Variants in PITX1 observed in about 807,000 individuals in gnomAD.
PITX1 encodes paired like homeodomain 1.
In PITX1, 5 loss-of-function variants were observed where a neutral mutation model predicts 24.1. That is an observed-to-expected ratio of 0.21 (90% CI 0.11 to 0.44). The LOEUF is 0.44. Among genes scored for constraint, PITX1 ranks in the 20% least tolerant of loss-of-function variants. PITX1 has a pLI of 0.99. For synonymous variants in PITX1, 213 were observed against 208.9 expected (o/e 1.02, Z -0.17); for missense variants, 401 against 455.4 (o/e 0.88, Z 1.09).
In PITX1 at chr5:135,033,229, C is replaced by A; in HGVS notation, c.169+484G>T. The A allele has an allele frequency of 6.5e-6, 2 of 306,212 alleles. No homozygotes were observed. The highest frequency in any genetic ancestry group is 5.0e-5 in the South Asian group (2 of 40,004). 19.0% of individuals were successfully genotyped at this position (306,212 alleles called of 1,614,324 possible). Reference sequence around the variant, plus strand: ...CTCCCTTCTACTTGATGACCCCTCTCCCCCCGTTTACCCTTCCCGCCCGCC... The same window carrying A: ...CTCCCTTCTACTTGATGACCCCTCTACCCCCGTTTACCCTTCCCGCCCGCC... On this transcript the variant is annotated intron_variant, in intron 1 of 2. Transcript: ENST00000265340. The surrounding 1 kb of genome is among the most constrained non-coding windows in gnomAD (Gnocchi z 5.9).
intron 1 of PITX1, chr5:135,032,715 AAAT>A: frequency 9.1e-6 from 2 of 218,736 alleles, no homozygotes; most frequent in South Asian, 1.1e-4. Flanking sequence ...TAGGTTTTAA[AAAT>A]AAAACCAACC....
intron 1 of PITX1, 37 bp from the exon 2 acceptor site, chr5:135,031,545 T>C: frequency 6.5e-7 from 1 of 1,527,478 alleles, no homozygotes; most frequent in Non-Finnish European, 8.9e-7. Flanking sequence ...TCACCTGGGC[T>C]TACGCCCCGT....
chr5:135,029,635 C>T (rs948120157), intron 2 of PITX1, among the ~76,000 whole-genome samples: 5 of 152,230 alleles, frequency 3.3e-5, no homozygotes, highest in African/African-American at 1.2e-4. Context: ...CCTTCTCCCC[C>T]AAACAGGTTC....
Position 135,029,012 on chromosome 5 carries a change from G to T in PITX1, c.712C>A (p.Pro238Thr). ...SMGPGAVPGMPNSGLNNINNL... is the reference protein window; with the variant it reads ...SMGPGAVPGMTNSGLNNINNL... ...TTGATGTTGTTGAGGCCCGAGTTGG[G>T]CATGCCAGGCACGGCGCCTGGGCCC... is the stretch of plus-strand genomic sequence containing the variant. The change falls in exon 3 of 3, where the codon CCC becomes ACC. Residue 238 changes from proline (P) to threonine (T), a missense_variant. Around this residue, in one of 3 missense-constraint regions of PITX1, gnomAD observed 217 missense variants for 219.8 expected, o/e 0.99. Coordinates refer to ENST00000265340, the MANE Select transcript of PITX1 (RefSeq NM_002653.5). The T allele has an allele frequency of 1.9e-6, 3 of 1,614,236 alleles. No individual in the cohort carries two copies. The highest frequency in any genetic ancestry group is 2.5e-6 in the Non-Finnish European group (3 of 1,180,034).
intron 2 of PITX1, among the ~76,000 whole-genome samples, chr5:135,030,669 A>AC (rs530999163): frequency 6.2e-4 from 94 of 152,132 alleles, no homozygotes; most frequent in Middle Eastern, 3.4e-3. Context: ...TCCCGGAGCC[A>AC]CCCCCCACCT....
Position 135,028,683 on chromosome 5 carries a change from T to C in PITX1, c.*96A>G, listed in dbSNP as rs1234401130. The C allele has an allele frequency of 4.8e-6, 4 of 837,350 alleles. No individual in the cohort carries two copies. The African/African-American group carries it at 5.5e-5, about 12-fold the overall frequency. 51.9% of individuals were successfully genotyped at this position (837,350 alleles called of 1,614,324 possible). ...GTGTGAGGTCCGCGGCGCGGTGAGC[T>C]GGGGCTTGCGAGCCGGGGCCCCGCG... On this transcript the variant is annotated 3_prime_UTR_variant, in exon 3 of 3. Coordinates refer to ENST00000265340, the MANE Select transcript of PITX1 (RefSeq NM_002653.5).
Position 135,033,646 on chromosome 5 carries a change from G to A in PITX1, c.169+67C>T, listed in dbSNP as rs1202972751. Reference sequence around the variant, plus strand: ...TTGCGCGGCGCGGGCGTCAGGCCCTGCTCCCAGCTCCCCGTGCTCCGCGCC... The same window carrying A: ...TTGCGCGGCGCGGGCGTCAGGCCCTACTCCCAGCTCCCCGTGCTCCGCGCC... On this transcript the variant is annotated intron_variant, in intron 1 of 2. Coordinates refer to ENST00000265340, the MANE Select transcript of PITX1 (RefSeq NM_002653.5). This position sits in a 1 kb window ranked among gnomAD's most constrained non-coding sequence, Gnocchi z 5.9. 1.9e-5 allele frequency: 29 copies of A among 1,512,356 alleles called. No homozygotes were observed. The highest frequency in any genetic ancestry group is 2.3e-5 in the Non-Finnish European group (26 of 1,113,680). The allele number at this position is 1,512,356 out of a possible 1,614,324, so 93.7% of individuals were successfully genotyped here.
chr5:135,031,479 G>T lies in PITX1; in HGVS notation c.199C>A (p.Pro67Thr). The T allele has an allele frequency of 6.2e-7, 1 of 1,612,974 alleles. No homozygotes were observed. The highest frequency in any genetic ancestry group is 8.5e-7 in the Non-Finnish European group (1 of 1,179,820). ...GTGCCTCCCGCACCACTGTCCTCGG[G>T]CCCCTTGGGTTCCCCGCCGCGCTCC... Reference protein sequence around the residue: ...EKERGGEPKGPEDSGAGGTGC... With the variant: ...EKERGGEPKGTEDSGAGGTGC... Residue 67 changes from proline (P) to threonine (T), a missense_variant, in exon 2 of 3, where the codon CCC becomes ACC. Physicochemically the swap from Pro to Thr is conservative, Grantham distance 38. Transcript: ENST00000265340.
Position 135,027,893 on chromosome 5 carries a change from C to G in PITX1, c.*886G>C, listed in dbSNP as rs1752373830. On this transcript the variant is annotated 3_prime_UTR_variant, in exon 3 of 3. Transcript: ENST00000265340. ...TGGGCGCAGGGCCCTGGGGCCGCGC[C>G]CCTTGCTCTGCCGGCTCGACTCTTG... 6.6e-6 allele frequency: 1 copy of G among 152,554 alleles called. No individual in the cohort carries two copies. The highest frequency in any genetic ancestry group is 2.1e-4 in the South Asian group (1 of 4,826). 9.5% of individuals were successfully genotyped at this position (152,554 alleles called of 1,614,324 possible).
Position 135,028,094 on chromosome 5 carries a change from T to G in PITX1, c.*685A>C, listed in dbSNP as rs1752378915. 2.0e-5 allele frequency: 3 copies of G among 151,960 alleles called. No individual in the cohort carries two copies. The highest frequency in any genetic ancestry group is 2.0e-4 in the Admixed American group (3 of 15,278). 9.4% of individuals were successfully genotyped at this position (151,960 alleles called of 1,614,324 possible). A position where few individuals can be genotyped will look rare whatever the true frequency, so the allele number is the denominator to read the frequency against. ...CCGCTGTCGCTCCGTGGCCTTAATA[T>G]AGGGCTCCGGGGCGCGGGGCCAGCG... is the stretch of plus-strand genomic sequence containing the variant. On this transcript the variant is annotated 3_prime_UTR_variant, in exon 3 of 3. Transcript: ENST00000265340.
chr5:135,032,175 C>T (rs1340034741), intron 1 of PITX1, among the ~76,000 whole-genome samples: 1 of 152,182 alleles, frequency 6.6e-6, no homozygotes, highest in East Asian at 1.9e-4. Context: ...AACACAGAAG[C>T]CCAGAAAAGC....
In PITX1 at chr5:135,033,455, T is replaced by C; in HGVS notation, c.169+258A>G. The C allele has an allele frequency of 1.9e-6, 1 of 539,314 alleles. No individual in the cohort carries two copies. The highest frequency in any genetic ancestry group is 2.1e-5 in the South Asian group (1 of 46,758). 33.4% of individuals were successfully genotyped at this position (539,314 alleles called of 1,614,324 possible). A position where few individuals can be genotyped will look rare whatever the true frequency, so the allele number is the denominator to read the frequency against. On this transcript the variant is annotated intron_variant, in intron 1 of 2. Transcript: ENST00000265340. This position sits in a 1 kb window ranked among gnomAD's most constrained non-coding sequence, Gnocchi z 5.9. ...CTATTTACTCCTGATCAAGAGGGGC[T>C]GTCAGTCCAACCCTCCAGCTGTAGG...
Position 135,033,829 on chromosome 5 carries a change from C to T in PITX1, c.53G>A (p.Arg18Gln). The change falls in exon 1 of 3, where the codon CGG (arginine) becomes CAG (glutamine). Residue 18 changes from arginine (R) to glutamine (Q), a missense_variant. Transcript: ENST00000265340. The surrounding 1 kb of genome is among the most constrained non-coding windows in gnomAD (Gnocchi z 5.9). ...GTCATGGGGTGGCGGCGGCGGCGGC[C>T]GGAGCCCCTCCGGCAGCCGCTCCAG... Reference protein sequence around the residue: ...MSLERLPEGLRPPPPPPHDMG... With the variant: ...MSLERLPEGLQPPPPPPHDMG... 1.3e-6 allele frequency: 2 copies of T among 1,527,426 alleles called. No individual in the cohort carries two copies. Among genetic ancestry groups the T allele is most frequent in the African/African-American group, 1.4e-5 (1 of 69,692 alleles). The allele number at this position is 1,527,426 out of a possible 1,614,324, so 94.6% of individuals were successfully genotyped here.
intron 2 of PITX1, 38 bp from the exon 3 acceptor site, chr5:135,029,359 G>A (rs763590535): frequency 1.3e-6 from 2 of 1,513,356 alleles, no homozygotes; most frequent in Middle Eastern, 2.0e-4. Flanking sequence ...GGGCCGCTGC[G>A]GGCCGGGAGG....
rs1580928564 is a variant in PITX1 at position 135,033,113 on chromosome 5, G to A, written c.169+600C>T. On this transcript the variant is annotated intron_variant, in intron 1 of 2. Transcript: ENST00000265340. This position sits in a 1 kb window ranked among gnomAD's most constrained non-coding sequence, Gnocchi z 5.9. ...GCTGCTCCGGGCTTCGGCCGCGCACGTGGGCCGGATCCCTTGATCGGCGTT... is the reference window on the plus strand; with the variant it reads ...GCTGCTCCGGGCTTCGGCCGCGCACATGGGCCGGATCCCTTGATCGGCGTT... The A allele has an allele frequency of 2.6e-6, 1 of 382,826 alleles. No individual in the cohort carries two copies. Among genetic ancestry groups the A allele is most frequent in the African/African-American group, 2.2e-5 (1 of 44,780 alleles). 23.7% of individuals were successfully genotyped at this position (382,826 alleles called of 1,614,324 possible).
In PITX1 at chr5:135,028,653, C is replaced by T; in HGVS notation, c.*126G>A. ...AGTGGGAAGTGGGAGGAGGGGGCTG[C>T]GCAGGTGTGAGGTCCGCGGCGCGGT... On this transcript the variant is annotated 3_prime_UTR_variant, in exon 3 of 3. Transcript: ENST00000265340. The T allele has an allele frequency of 4.0e-6, 2 of 494,574 alleles. No individual in the cohort carries two copies. The highest frequency in any genetic ancestry group is 5.8e-6 in the Non-Finnish European group (2 of 341,948). The allele number at this position is 494,574 out of a possible 1,614,324, so 30.6% of individuals were successfully genotyped here.
chr5:135,032,941 G>A (rs941617144), intron 1 of PITX1: 12 of 444,306 alleles, frequency 2.7e-5, no homozygotes, highest in African/African-American at 2.0e-4. Context: ...GAACCCGGCC[G>A]GCTGCGCTGG....
intron 1 of PITX1, chr5:135,032,872 G>A (rs1479598110): frequency 2.6e-6 from 1 of 380,114 alleles, no homozygotes; most frequent in Non-Finnish European, 5.3e-6. Flanking sequence ...ACATTCAGCT[G>A]TGTATTAAGA....
At chr5:135,031,242 C>CG in intron 2 of PITX1, 34 bp downstream of exon 2, 1 of 1,566,256 alleles carries the variant, frequency 6.4e-7, no homozygotes, top group South Asian at 1.1e-5. Context: ...GAGCCCTCTG[C>CG]GCGGGTGCCC....
Sources: gnomAD v4.1 joint callset for allele counts (sites outside exome capture counted in the v4.1 genomes callset) on GRCh38, gnomAD v4.1.1 for gene constraint, gnomAD v4.1.1 regional missense constraint, Gnocchi (gnomAD v3.1) non-coding constraint, MANE v1.5 for transcripts, NCBI Gene and HGNC (gene_info 2026-07-23, HGNC 2026-07-21) for gene names.